Variants in EYS observed in about 807,000 individuals in gnomAD.
The protein encoded by EYS is EGF-like photoreceptor maintenance factor.
EYS carries 250 observed loss-of-function variants against 282.1 expected under a neutral mutation model. That is an observed-to-expected ratio of 0.89 (90% CI 0.80 to 0.98). EYS has a LOEUF of 0.98. Ranked by LOEUF, EYS falls within the 50% of genes least tolerant of loss-of-function variation. The probability of loss-of-function intolerance (pLI) is 0.00; values close to 1 mark genes in which losing one functional copy is unlikely to be tolerated. For missense variants in EYS, 4,016 were observed against 3,709.0 expected (o/e 1.08, Z -2.15); for synonymous variants, 1,355 against 1,282.9 (o/e 1.06, Z -1.20).
At chr6:65,392,757 A>C (rs1766097543) in intron 7 of EYS, among the ~76,000 whole-genome samples, 1 of 151,466 alleles carries the variant, frequency 6.6e-6, no homozygotes, top group Non-Finnish European at 1.5e-5. Flanking sequence ...TGTGGAAGTC[A>C]GTGTGGCGAT....
chr6:64,159,691 A>G (rs1775044243), intron 31 of EYS, among the ~76,000 whole-genome samples: 2 of 152,070 alleles, frequency 1.3e-5, no homozygotes, highest in East Asian at 3.9e-4. Flanking sequence ...TTGCATTTTA[A>G]CTATCAACCA....
chr6:65,260,628 A>G (rs933159190), intron 12 of EYS, among the ~76,000 whole-genome samples: 1 of 152,048 alleles, frequency 6.6e-6, no homozygotes, highest in Non-Finnish European at 1.5e-5. Flanking sequence ...TATTTTGCCT[A>G]TTCAATATAT....
chr6:65,577,941 G>C (rs1764733154), intron 2 of EYS, among the ~76,000 whole-genome samples: 1 of 151,714 alleles, frequency 6.6e-6, no homozygotes. Context: ...AACTGCTGGA[G>C]AGGATGTTAA....
intron 31 of EYS, among the ~76,000 whole-genome samples, chr6:64,174,844 G>GA (rs1406332875): frequency 6.6e-6 from 1 of 151,798 alleles, no homozygotes. Flanking sequence ...AACCACTTAA[G>GA]AAAAAATGGT....
chr6:64,703,410 C>CACACACACAT (rs1447947508), intron 22 of EYS, among the ~76,000 whole-genome samples: 29 of 51,528 alleles, frequency 5.6e-4, no homozygotes, highest in African/African-American at 1.9e-3. Context: ...CACACACACA[C>CACACACACAT]ATATATATAT....
intron 41 of EYS, among the ~76,000 whole-genome samples, chr6:63,759,584 T>C (rs564202694): frequency 6.6e-6 from 1 of 152,270 alleles, no homozygotes; most frequent in East Asian, 1.9e-4. Flanking sequence ...TTTATGACTA[T>C]TATAAGTTCA....
chr6:64,086,971 G>C (rs1772176674), intron 31 of EYS, among the ~76,000 whole-genome samples: 1 of 152,066 alleles, frequency 6.6e-6, no homozygotes, highest in Non-Finnish European at 1.5e-5. Flanking sequence ...TAGAAGAAAA[G>C]CCATATACCA....
Position 65,692,278 on chromosome 6 carries a change from C to T in EYS, c.-448+14857G>A, listed in dbSNP as rs114372552. ...GGAGACTTGGAAAGTGGGGAGGTGACGAATGAGAAATTACCAACGGGTACA... is the reference window on the plus strand; with the variant it reads ...GGAGACTTGGAAAGTGGGGAGGTGATGAATGAGAAATTACCAACGGGTACA... On this transcript the variant is annotated intron_variant, in intron 1 of 42. Transcript: ENST00000503581. 5.2e-3 allele frequency among the ~76,000 whole-genome samples: 772 copies of T among 149,860 alleles called. 21 individuals are homozygous for T. Among genetic ancestry groups the T allele is most frequent in the African/African-American group, 0.018 (725 of 41,180 alleles).
chr6:63,800,519 G>C (rs537317355), intron 37 of EYS, among the ~76,000 whole-genome samples: 36 of 152,300 alleles, frequency 2.4e-4, no homozygotes, highest in Middle Eastern at 6.8e-3. Context: ...TCTGGAAGAG[G>C]CTGGGCGCGG....
chr6:64,647,248 T>C (rs1768386242), intron 22 of EYS, among the ~76,000 whole-genome samples: 1 of 152,106 alleles, frequency 6.6e-6, no homozygotes, highest in Non-Finnish European at 1.5e-5. Flanking sequence ...AAAGAATTTC[T>C]AAACAAAAAT....
intron 2 of EYS, among the ~76,000 whole-genome samples, chr6:65,547,322 C>G (rs527360629): frequency 1.3e-5 from 2 of 151,642 alleles, no homozygotes; most frequent in African/African-American, 2.4e-5. Flanking sequence ...TATATAAGCC[C>G]TCTTCTAATG....
chr6:65,506,460 C>CTTTCTTTTT (rs1766659446), intron 2 of EYS, among the ~76,000 whole-genome samples: 1 of 64,860 alleles, frequency 1.5e-5, no homozygotes, highest in African/African-American at 6.1e-5. Context: ...TCCTTCCTTT[C>CTTTCTTTTT]TTTTTTTTTT....
intron 29 of EYS, among the ~76,000 whole-genome samples, chr6:64,368,678 CAT>C (rs1371502803): frequency 1.3e-5 from 2 of 152,048 alleles, no homozygotes; most frequent in African/African-American, 2.4e-5. Flanking sequence ...GAGCATTTTT[CAT>C]ATGTTTGTTG....
At chr6:64,441,527 G>T (rs1774946791) in intron 26 of EYS, among the ~76,000 whole-genome samples, 1 of 152,174 alleles carries the variant, frequency 6.6e-6, no homozygotes. Context: ...TCAAGAGGTG[G>T]AAGTGGTCTA....
At chr6:64,670,878 T>A (rs1006100584) in intron 22 of EYS, among the ~76,000 whole-genome samples, 1 of 152,038 alleles carries the variant, frequency 6.6e-6, no homozygotes, top group African/African-American at 2.4e-5. Flanking sequence ...GTAGACCCTC[T>A]CCTTCACCAG....
chr6:64,397,441 C>T (rs1773416176), intron 28 of EYS, among the ~76,000 whole-genome samples: 1 of 151,792 alleles, frequency 6.6e-6, no homozygotes, highest in African/African-American at 2.4e-5. Flanking sequence ...TTTGTGTTTT[C>T]TTTGTGGAGA....
chr6:64,027,942 T>C (rs373739305), intron 33 of EYS, among the ~76,000 whole-genome samples: 63 of 152,334 alleles, frequency 4.1e-4, no homozygotes, highest in African/African-American at 1.5e-3. Flanking sequence ...GTTAATCTCC[T>C]GTCCTGGACG....
intron 14 of EYS, among the ~76,000 whole-genome samples, chr6:64,958,280 G>T (rs952426979): frequency 1.3e-5 from 2 of 152,108 alleles, no homozygotes; most frequent in Admixed American, 6.5e-5. Flanking sequence ...TGTTCGGGAG[G>T]CTGAGACATG....
At chr6:65,382,658 A>G (rs1765662999) in intron 8 of EYS, among the ~76,000 whole-genome samples, 1 of 152,074 alleles carries the variant, frequency 6.6e-6, no homozygotes, top group South Asian at 2.1e-4. Flanking sequence ...GCTGAGGAGC[A>G]AGGAAGCCAG....
Sources: gnomAD v4.1 joint callset for allele counts (sites outside exome capture counted in the v4.1 genomes callset) on GRCh38, gnomAD v4.1.1 for gene constraint, MANE v1.5 for transcripts, NCBI Gene and HGNC (gene_info 2026-07-23, HGNC 2026-07-21) for gene names.